Variants in EML1 observed in about 807,000 individuals in gnomAD.
The protein encoded by EML1 is EMAP like 1, also known as echinoderm microtubule-associated protein-like 1.
EML1 carries 27 observed loss-of-function variants against 110.4 expected under a neutral mutation model. That is an observed-to-expected ratio of 0.24 (90% confidence interval 0.18 to 0.34). The LOEUF (loss-of-function observed/expected upper bound fraction) is 0.34, where lower values mean the gene tolerates loss of function less well. EML1 is among the 10% of genes least tolerant of loss of function. The pLI, the probability that EML1 is intolerant of heterozygous loss-of-function variation, is 1.00. For missense variants in EML1, 741 were observed against 1,030.9 expected (o/e 0.72, Z 3.85); for synonymous variants, 344 against 385.8 (o/e 0.89, Z 1.27).
chr14:99,866,296 CTTGG>C (rs2059097773), intron 3 of EML1, among the ~76,000 whole-genome samples: 1 of 151,642 alleles, frequency 6.6e-6, no homozygotes, highest in African/African-American at 2.4e-5. Context: ...GCTGGCCGGG[CTTGG>C]TGGCTCATGC....
At chr14:99,791,456 CCT>C (rs2057670558), upstream of EML1, among the ~76,000 whole-genome samples, 1 of 152,238 alleles carries the variant, frequency 6.6e-6, no homozygotes, top group South Asian at 2.1e-4. Flanking sequence ...TACCCCAGCC[CCT>C]GTCCGATTTT....
At chr14:99,762,392 C>A (rs2057323747) in intron 1 of EML1, among the ~76,000 whole-genome samples, 1 of 152,202 alleles carries the variant, frequency 6.6e-6, no homozygotes, top group Non-Finnish European at 1.5e-5. Flanking sequence ...AAGCCCCTCG[C>A]ACCCTCCTCC....
chr14:99,853,959 C>T (rs1445246406), intron 2 of EML1, among the ~76,000 whole-genome samples: 2 of 152,252 alleles, frequency 1.3e-5, no homozygotes, highest in African/African-American at 4.8e-5. Context: ...GCATGAGCCA[C>T]CGCATCTGAC....
intron 1 of EML1, among the ~76,000 whole-genome samples, chr14:99,738,294 G>A (rs552004995): frequency 3.2e-4 from 49 of 152,356 alleles, no homozygotes; most frequent in African/African-American, 1.1e-3. Context: ...ACCTCTGGGC[G>A]TTCTGAGTCC....
intron 1 of EML1, among the ~76,000 whole-genome samples, chr14:99,797,614 A>G (rs2057799478): frequency 6.6e-6 from 1 of 152,228 alleles, no homozygotes; most frequent in African/African-American, 2.4e-5. Flanking sequence ...AAAGAGGGAA[A>G]GAAGTGGGAG....
intron 1 of EML1, among the ~76,000 whole-genome samples, chr14:99,785,487 T>G (rs1330573472): frequency 1.3e-5 from 2 of 152,230 alleles, no homozygotes; most frequent in Non-Finnish European, 2.9e-5. Flanking sequence ...GAATACATTC[T>G]CCAGGCCTCA....
At chr14:99,798,363 A>G (rs1210089914) in intron 1 of EML1, among the ~76,000 whole-genome samples, 1 of 148,702 alleles carries the variant, frequency 6.7e-6, no homozygotes, top group Non-Finnish European at 1.5e-5. Flanking sequence ...AGAATTGGAT[A>G]TGTCACCTCC....
Position 99,851,021 on chromosome 14 carries a change from A to G in EML1, c.236A>G (p.Lys79Arg). The change falls in exon 2 of 22, where the codon AAA becomes AGA. Residue 79 changes from lysine (K) to arginine (R), a missense_variant. Physicochemically the swap from Lys to Arg is conservative, Grantham distance 26. Around this residue, in one of 4 missense-constraint regions of EML1, gnomAD observed 226 missense variants for 255.6 expected, o/e 0.88. Coordinates refer to ENST00000262233, the MANE Select transcript of EML1 (RefSeq NM_004434.3). ...GAACAGCAGGCCGTGCTTAACAGGAAAGGACCTACCAAAGGTGGGCGTTTG... is the reference window on the plus strand; with the variant it reads ...GAACAGCAGGCCGTGCTTAACAGGAGAGGACCTACCAAAGGTGGGCGTTTG... The part of the protein sequence containing the change: ...TEEQQAVLNR[K>R]GPTKARPLMQ... 2 of 1,613,144 alleles carry G rather than the reference A, an allele frequency of 1.2e-6. No individual in the cohort carries two copies. Among genetic ancestry groups the G allele is most frequent in the Non-Finnish European group, 1.7e-6 (2 of 1,179,342 alleles).
chr14:99,825,199 C>T (rs1027509565), intron 1 of EML1, among the ~76,000 whole-genome samples: 2 of 152,010 alleles, frequency 1.3e-5, no homozygotes, highest in Non-Finnish European at 2.9e-5. Context: ...TTGCCCAGGC[C>T]AGTCTTGAAC....
chr14:99,773,155 C>T (rs60653461), exon 1 of EML1: 17 of 152,286 alleles, frequency 1.1e-4, no homozygotes, highest in African/African-American at 4.1e-4. Context: ...TTCACACTTC[C>T]CCACACACCC....
chr14:99,764,557 G>A (rs1027803892), intron 1 of EML1, among the ~76,000 whole-genome samples: 3 of 152,242 alleles, frequency 2.0e-5, no homozygotes, highest in Non-Finnish European at 2.9e-5. Flanking sequence ...AGCGAGCTCT[G>A]TACATTCACA....
At position 99,936,311 on chromosome 14, in the gene EML1, C is replaced by G; in HGVS notation, c.2072C>G (p.Ser691Cys). The G allele has an allele frequency of 6.2e-7, 1 of 1,613,690 alleles. No individual in the cohort carries two copies. Among genetic ancestry groups the G allele is most frequent in the Non-Finnish European group, 8.5e-7 (1 of 1,180,010 alleles). The stretch of plus-strand genomic sequence containing the variant: ...AACTCACAGTTCCTCGTGTCAAATT[C>G]CGGAGACTACGAAATCCTCTACTGT... ...SVNSQFLVSNSGDYEILYWVP... is the reference protein window; with the variant it reads ...SVNSQFLVSNCGDYEILYWVP... The change falls in exon 19 of 22, where the codon TCC (serine) becomes TGC (cysteine). Residue 691 changes from serine (S) to cysteine (C), a missense_variant. Physicochemically the swap from Ser to Cys is moderately radical, Grantham distance 112. Around this residue, in one of 4 missense-constraint regions of EML1, gnomAD observed 388 missense variants for 605.6 expected, o/e 0.64. Coordinates refer to ENST00000262233, the MANE Select transcript of EML1 (RefSeq NM_004434.3). This position sits in a 1 kb window ranked among gnomAD's most constrained non-coding sequence, Gnocchi z 5.5.
intron 4 of EML1, among the ~76,000 whole-genome samples, chr14:99,887,797 C>T (rs1237101642): frequency 1.3e-5 from 2 of 152,308 alleles, no homozygotes; most frequent in South Asian, 2.1e-4. Context: ...ATACAGCTCC[C>T]GTCAACAGAC....
At chr14:99,809,078 A>G (rs1422965747) in intron 1 of EML1, among the ~76,000 whole-genome samples, 1 of 152,218 alleles carries the variant, frequency 6.6e-6, no homozygotes, top group African/African-American at 2.4e-5. Context: ...TGTTGTCTTC[A>G]TGTTAGCATC....
At chr14:99,866,117 TG>T (rs2059093783) in intron 3 of EML1, among the ~76,000 whole-genome samples, 1 of 152,220 alleles carries the variant, frequency 6.6e-6, no homozygotes, top group African/African-American at 2.4e-5. Flanking sequence ...CTCTTAACTT[TG>T]CTATTATTTT....
chr14:99,896,740 A>ATTTT (rs59854121), intron 6 of EML1, among the ~76,000 whole-genome samples: 21 of 147,546 alleles, frequency 1.4e-4, no homozygotes, highest in African/African-American at 4.0e-4. Context: ...GAGGGGCCTG[A>ATTTT]TTTTTTTTTT....
chr14:99,774,705 G>A (rs1019883014), intron 1 of EML1, among the ~76,000 whole-genome samples: 7 of 152,226 alleles, frequency 4.6e-5, no homozygotes, highest in African/African-American at 1.7e-4. Context: ...GCTGGTGAGG[G>A]CCATGCTTGT....
chr14:99,875,122 A>C, intron 3 of EML1: 2 of 738,728 alleles, frequency 2.7e-6, no homozygotes, highest in Non-Finnish European at 4.3e-6. Context: ...AACTATATTA[A>C]TCATTGACAT....
At chr14:99,897,320 G>A (rs1184954048) in intron 7 of EML1, 26 bp downstream of exon 7, 2 of 1,564,406 alleles carry the variant, frequency 1.3e-6, no homozygotes, top group East Asian at 4.8e-5. Flanking sequence ...GGTCATTCCT[G>A]CGACTCAGAA....
Sources: allele counts gnomAD v4.1 joint callset (sites outside exome capture counted in the v4.1 genomes callset), GRCh38; gene constraint gnomAD v4.1.1; regional missense constraint gnomAD v4.1.1; non-coding constraint Gnocchi (gnomAD v3.1); transcripts MANE v1.5; gene names NCBI Gene and HGNC (gene_info 2026-07-23, HGNC 2026-07-21).